The following RSU1 variants were observed in gnomAD, a reference collection of about 807,000 sequenced individuals.
The protein encoded by RSU1 is rsu-1.
In RSU1, 26 loss-of-function variants were observed where a neutral mutation model predicts 31.1. The observed-to-expected ratio is 0.84, with a 90% CI of 0.61 to 1.16. The LOEUF (loss-of-function observed/expected upper bound fraction) is 1.16. Ranked by LOEUF, RSU1 falls within the 50% of genes most tolerant of loss-of-function variation. RSU1 has a pLI of 0.00. For missense variants in RSU1, 320 were observed against 339.1 expected, an observed-to-expected ratio of 0.94 and a Z score of 0.44; for synonymous variants, 164 against 136.3, an observed-to-expected ratio of 1.20 and a Z score of -1.41.
chr10:16,605,470 A>G (rs372809935), intron 8 of RSU1, among the ~76,000 whole-genome samples: 5 of 152,316 alleles, frequency 3.3e-5, no homozygotes, highest in East Asian at 1.9e-4. Flanking sequence ...ATCCAAATAC[A>G]TGGATCCCAA....
chr10:16,754,128 C>A (rs750892085), intron 5 of RSU1, among the ~76,000 whole-genome samples: 1 of 151,952 alleles, frequency 6.6e-6, no homozygotes, highest in Non-Finnish European at 1.5e-5. Context: ...AGGTAATGTA[C>A]GTAAGGTAAA....
chr10:16,604,386 G>C (rs1833764722), intron 8 of RSU1, among the ~76,000 whole-genome samples: 3 of 152,156 alleles, frequency 2.0e-5, no homozygotes, highest in African/African-American at 7.2e-5. Flanking sequence ...AGAAAATGCA[G>C]GCAGTAGGGA....
chr10:16,758,347 C>A (rs961498696), intron 4 of RSU1, among the ~76,000 whole-genome samples: 3 of 152,178 alleles, frequency 2.0e-5, no homozygotes, highest in Non-Finnish European at 2.9e-5. Flanking sequence ...GGCTGTCCCC[C>A]CTCCCTCCAG....
At chr10:16,766,419 C>T (rs1233424713) in intron 3 of RSU1, among the ~76,000 whole-genome samples, 1 of 152,102 alleles carries the variant, frequency 6.6e-6, no homozygotes, top group Non-Finnish European at 1.5e-5. Context: ...AAGGGATTAC[C>T]AAGAAAATCA....
chr10:16,704,102 T>C (rs1835847548), intron 7 of RSU1, among the ~76,000 whole-genome samples: 1 of 152,156 alleles, frequency 6.6e-6, no homozygotes, highest in African/African-American at 2.4e-5. Flanking sequence ...ATTTTTAACA[T>C]TAGAACTTTA....
intron 3 of RSU1, among the ~76,000 whole-genome samples, chr10:16,778,409 A>G (rs1171587231): frequency 6.6e-6 from 1 of 151,738 alleles, no homozygotes; most frequent in Non-Finnish European, 1.5e-5. Context: ...TCATTCACAT[A>G]CCTCCTGGGA....
At chr10:16,727,353 A>G (rs905682147) in intron 7 of RSU1, among the ~76,000 whole-genome samples, 1 of 152,232 alleles carries the variant, frequency 6.6e-6, no homozygotes, top group Non-Finnish European at 1.5e-5. Context: ...CTTTTCTGAG[A>G]TAAATACGTG....
At chr10:16,654,641 C>A (rs557647935) in intron 8 of RSU1, among the ~76,000 whole-genome samples, 1 of 150,298 alleles carries the variant, frequency 6.7e-6, no homozygotes, top group East Asian at 2.0e-4. Flanking sequence ...TGTATTCCAG[C>A]CTGAGTGACA....
chr10:16,785,481 C>CATAT lies in RSU1; in HGVS notation c.110-3401_110-3398dup, dbSNP rs1330118857. On this transcript the variant is annotated intron_variant, in intron 2 of 8. Coordinates refer to ENST00000345264, the MANE Select transcript of RSU1 (RefSeq NM_012425.4). ...ATACATATATATATACACATATATA[C>CATAT]ATATATACATATATATATACACATA... is the stretch of plus-strand genomic sequence containing the variant. 6.4e-3 allele frequency among the ~76,000 whole-genome samples: 882 copies of CATAT among 138,688 alleles called. 50 individuals carry two copies. Among genetic ancestry groups the CATAT allele is most frequent in the African/African-American group, 0.024 (824 of 34,332 alleles). 91.0% of individuals were successfully genotyped at this position (138,688 alleles called of 152,430 possible). A position where few individuals can be genotyped will look rare whatever the true frequency, so the allele number is the denominator to read the frequency against.
intron 8 of RSU1, among the ~76,000 whole-genome samples, chr10:16,650,029 A>G (rs1834652436): frequency 6.6e-6 from 1 of 152,214 alleles, no homozygotes. Context: ...ACACAGTTGT[A>G]GAGCGCTTTG....
At chr10:16,808,022 C>CAA (rs9331745) in intron 2 of RSU1, among the ~76,000 whole-genome samples, 22 of 116,256 alleles carry the variant, frequency 1.9e-4, no homozygotes, top group Non-Finnish European at 2.6e-4. Context: ...GACTCTGTCT[C>CAA]AAAAAAAAAA....
intron 7 of RSU1, among the ~76,000 whole-genome samples, chr10:16,727,857 C>T (rs1198390726): frequency 6.6e-6 from 1 of 152,324 alleles, no homozygotes; most frequent in East Asian, 1.9e-4. Context: ...AACCATACCG[C>T]TGCCAGGCTG....
chr10:16,784,797 C>T (rs560807155), intron 2 of RSU1, among the ~76,000 whole-genome samples: 4 of 152,094 alleles, frequency 2.6e-5, no homozygotes, highest in Admixed American at 6.5e-5. Flanking sequence ...AAAGCCCCAC[C>T]CCCATGATAC....
At chr10:16,624,941 CTTAA>C (rs1349655480) in intron 8 of RSU1, among the ~76,000 whole-genome samples, 1 of 152,126 alleles carries the variant, frequency 6.6e-6, no homozygotes, top group Admixed American at 6.5e-5. Context: ...CTTTGCAGTT[CTTAA>C]TTAAGAACTC....
intron 2 of RSU1, among the ~76,000 whole-genome samples, chr10:16,808,730 T>C (rs11254209): frequency 0.026 from 3,966 of 152,270 alleles, 59 homozygotes; most frequent in Non-Finnish European, 0.038. Flanking sequence ...CCAAAACTAA[T>C]ATGCTGAAGC....
intron 8 of RSU1, among the ~76,000 whole-genome samples, chr10:16,622,728 T>C (rs11254114): frequency 6.6e-6 from 1 of 152,156 alleles, no homozygotes; most frequent in Non-Finnish European, 1.5e-5. Flanking sequence ...CGGCCCAGGA[T>C]CAAGGTTAAG....
At chr10:16,727,003 C>G in intron 7 of RSU1, 3 of 454,628 alleles carry the variant, frequency 6.6e-6, no homozygotes, top group Admixed American at 2.4e-5. Context: ...ACACTCTGAA[C>G]TCCAGAACAT....
intron 2 of RSU1, among the ~76,000 whole-genome samples, chr10:16,789,186 TAAA>T (rs1285406360): frequency 6.6e-6 from 1 of 152,206 alleles, no homozygotes; most frequent in African/African-American, 2.4e-5. Context: ...GGAGAGAAAC[TAAA>T]AAAGTTTAAA....
intron 3 of RSU1, among the ~76,000 whole-genome samples, chr10:16,772,371 T>A (rs1208757053): frequency 1.3e-5 from 2 of 152,164 alleles, no homozygotes; most frequent in Non-Finnish European, 2.9e-5. Context: ...TCCCAAAGCA[T>A]CTTCAGGAGG....
Sources: gnomAD v4.1 joint callset for allele counts (sites outside exome capture counted in the v4.1 genomes callset) on GRCh38, gnomAD v4.1.1 for gene constraint, MANE v1.5 for transcripts, NCBI Gene and HGNC (gene_info 2026-07-23, HGNC 2026-07-21) for gene names.